BANP: variants seen among roughly 807,000 people sequenced by gnomAD.
The protein encoded by BANP is protein BANP.
A neutral mutation model predicts 68.1 loss-of-function variants in BANP; 11 were observed. The ratio of observed to expected loss-of-function variants is 0.16; its 90% CI spans 0.10 to 0.27. BANP has a LOEUF of 0.27. Among genes scored for constraint, BANP ranks in the 10% least tolerant of loss-of-function variants. The probability of loss-of-function intolerance (pLI) is 1.00; values close to 1 mark genes in which losing one functional copy is unlikely to be tolerated. For missense variants in BANP, 504 were observed against 722.7 expected (o/e 0.70, Z 3.47); for synonymous variants, 329 against 303.2 (o/e 1.09, Z -0.88).
intron 12 of BANP, among the ~76,000 whole-genome samples, chr16:88,067,868 C>T (rs1025344874): frequency 1.1e-4 from 16 of 152,226 alleles, no homozygotes; most frequent in African/African-American, 3.9e-4. Flanking sequence ...GGAACCCTGA[C>T]GATGCTCCCG....
rs566615869 is a variant in BANP, at chr16:88,076,486, C to G, written c.1522-104C>G. 13 of 977,104 alleles carry G rather than the reference C, an allele frequency of 1.3e-5. No individual in the cohort carries two copies. The African/African-American group carries it at 2.1e-4, about 16-fold the overall frequency. 60.5% of individuals were successfully genotyped at this position (977,104 alleles called of 1,614,324 possible). On this transcript the variant is annotated intron_variant, in intron 13 of 13. Transcript: ENST00000682872. ...CAGGGCTCCTTCGCGCTCCTGTGTG[C>G]GTGTTTCTCATTCTGCCTTAAAGTC... is the stretch of plus-strand genomic sequence containing the variant.
intron 5 of BANP, among the ~76,000 whole-genome samples, chr16:88,005,465 TAGTA>T (rs1479003875): frequency 2.0e-5 from 3 of 152,208 alleles, no homozygotes; most frequent in South Asian, 4.1e-4. Flanking sequence ...AAAAGGGAAG[TAGTA>T]AGTCTCTAAA....
At chr16:88,045,448 C>T (rs1388284510) in intron 11 of BANP, among the ~76,000 whole-genome samples, 1 of 152,222 alleles carries the variant, frequency 6.6e-6, no homozygotes, top group Non-Finnish European at 1.5e-5. Context: ...GCTAAGGGGC[C>T]TCAGCAGGAG....
At chr16:88,047,072 GA>G (rs141610858) in intron 11 of BANP, among the ~76,000 whole-genome samples, 39,594 of 147,938 alleles carry the variant, frequency 0.27, 6,757 homozygotes, top group African/African-American at 0.49. Context: ...TCTCAAAAAA[GA>G]AAAAAAAAAA....
intron 1 of BANP, among the ~76,000 whole-genome samples, chr16:87,968,249 C>G (rs1034628385): frequency 6.6e-6 from 1 of 150,914 alleles, no homozygotes; most frequent in Non-Finnish European, 1.5e-5. Context: ...TTTGGGAGAC[C>G]GAGGTGGGTG....
chr16:88,044,038 G>T (rs1425746672), intron 11 of BANP, among the ~76,000 whole-genome samples: 5 of 152,226 alleles, frequency 3.3e-5, no homozygotes, highest in African/African-American at 1.2e-4. Context: ...GGCCACTTCA[G>T]GGGGCTGGCA....
intron 11 of BANP, among the ~76,000 whole-genome samples, chr16:88,060,131 G>A (rs941240751): frequency 6.6e-6 from 1 of 152,266 alleles, no homozygotes; most frequent in Non-Finnish European, 1.5e-5. Flanking sequence ...TGTGAGAAGT[G>A]TGCAAAGGTG....
Position 88,026,256 on chromosome 16 carries a change from C to G in BANP, c.896-1227C>G, listed in dbSNP as rs1170759670. Among the ~76,000 whole-genome samples, 7 of 152,330 alleles carry G rather than the reference C, an allele frequency of 4.6e-5. No individual in the cohort carries two copies. In the East Asian group the frequency reaches 1.3e-3, roughly 29 times the overall value. On this transcript the variant is annotated intron_variant, in intron 7 of 13. Coordinates refer to ENST00000682872, the MANE Select transcript of BANP (RefSeq NM_001386991.1). Reference sequence around the variant, plus strand: ...CCACAGTGAGAGTAGGTTGTGCCCACTCGGCTTGTGGTATAGGGACTCCAG... The same window carrying G: ...CCACAGTGAGAGTAGGTTGTGCCCAGTCGGCTTGTGGTATAGGGACTCCAG...
intron 11 of BANP, among the ~76,000 whole-genome samples, chr16:88,040,106 G>C (rs575715658): frequency 2.5e-4 from 38 of 152,160 alleles, no homozygotes; most frequent in Non-Finnish European, 4.4e-4. Flanking sequence ...CTGCCACTCA[G>C]GGTAGCGGGC....
intron 1 of BANP, among the ~76,000 whole-genome samples, chr16:87,965,756 GGTTCTGTAAA>G (rs780754472): frequency 7.2e-4 from 109 of 152,200 alleles, no homozygotes; most frequent in Non-Finnish European, 1.9e-4. Flanking sequence ...GGTTAAAGAT[GGTTCTGTAAA>G]GTTTATCAAG....
At chr16:88,001,584 G>T (rs766074024) in intron 4 of BANP, among the ~76,000 whole-genome samples, 1 of 152,198 alleles carries the variant, frequency 6.6e-6, no homozygotes, top group Admixed American at 6.5e-5. Flanking sequence ...AGTTGAAAGC[G>T]TGTAGTTTCT....
chr16:87,989,019 G>A (rs1221897809), intron 4 of BANP, among the ~76,000 whole-genome samples: 1 of 152,234 alleles, frequency 6.6e-6, no homozygotes, highest in Admixed American at 6.5e-5. Flanking sequence ...GAAGGCAGTG[G>A]AGTACTGCTT....
At position 88,029,568 on chromosome 16, in the gene BANP, A is replaced by G. The variant is rs1479461242; in HGVS notation, c.1063+1918A>G. ...GGAGCTTGCAGTGAGCCGAGATCAC[A>G]CCACTGCACTCCAGCCTGGGCTACA... On this transcript the variant is annotated intron_variant, in intron 8 of 13. Transcript: ENST00000682872. Among the ~76,000 whole-genome samples the G allele has an allele frequency of 9.4e-5, 14 of 149,114 alleles. No homozygotes were observed. In the South Asian group the frequency reaches 2.1e-3, roughly 23 times the overall value.
At chr16:88,029,145 A>T (rs1216865678) in intron 8 of BANP, among the ~76,000 whole-genome samples, 3 of 151,952 alleles carry the variant, frequency 2.0e-5, no homozygotes, top group Non-Finnish European at 2.9e-5. Context: ...CGTCTCTACT[A>T]AAAATACAAA....
chr16:87,986,277 G>C (rs1222462050), intron 4 of BANP, among the ~76,000 whole-genome samples: 1 of 152,264 alleles, frequency 6.6e-6, no homozygotes, highest in Non-Finnish European at 1.5e-5. Flanking sequence ...CTTGTCACTT[G>C]TCACGTTGTG....
At chr16:87,979,199 G>A (rs1567645075) in intron 2 of BANP, among the ~76,000 whole-genome samples, 2 of 152,196 alleles carry the variant, frequency 1.3e-5, no homozygotes, top group South Asian at 2.1e-4. Context: ...TAAGATCTTC[G>A]GAATGTCAAT....
In BANP at chr16:88,006,952, A is replaced by C. The variant is rs866012053; in HGVS notation, c.655+687A>C. On this transcript the variant is annotated intron_variant, in intron 6 of 13. Transcript: ENST00000682872. The stretch of plus-strand genomic sequence containing the variant: ...GGGCGTCAGAGACTCTGTCTCAAAA[A>C]AAAAAAAAAAAAAAAAAAGATAGTG... Among the ~76,000 whole-genome samples, 1,277 of 150,726 alleles carry C rather than the reference A, an allele frequency of 8.5e-3. 1 individual carries two copies. Among genetic ancestry groups the C allele is most frequent in the Middle Eastern group, 0.014 (4 of 288 alleles).
chr16:88,004,522 G>T lies in BANP; in HGVS notation c.479+111G>T, dbSNP rs1365273932. 3 of 655,682 alleles carry T rather than the reference G, an allele frequency of 4.6e-6. No individual in the cohort carries two copies. Among genetic ancestry groups the T allele is most frequent in the Non-Finnish European group, 7.7e-6 (3 of 391,228 alleles). 40.6% of individuals were successfully genotyped at this position (655,682 alleles called of 1,614,324 possible). ...AGTCCAGCACACGCTTCATCTCTGT[G>T]GTCACAGGGTTGAGCCTGGCAGGCA... is the stretch of plus-strand genomic sequence containing the variant. On this transcript the variant is annotated intron_variant, in intron 5 of 13. Coordinates refer to ENST00000682872, the MANE Select transcript of BANP (RefSeq NM_001386991.1). This position sits in a 1 kb window ranked among gnomAD's most constrained non-coding sequence, Gnocchi z 7.0.
In BANP at chr16:87,957,465, G is replaced by T. The variant is rs1454023095; in HGVS notation, c.-69+5950G>T. On this transcript the variant is annotated intron_variant, in intron 1 of 13. Coordinates refer to ENST00000682872, the MANE Select transcript of BANP (RefSeq NM_001386991.1). This position sits in a 1 kb window ranked among gnomAD's most constrained non-coding sequence, Gnocchi z 4.3. ...ACCGGATCCTGTGTGGACCGGGTGG[G>T]CTGGTGTGGAGTCCTGTCAGGAGAC... Among the ~76,000 whole-genome samples, 1 of 152,220 alleles carries T rather than the reference G, an allele frequency of 6.6e-6. No individual in the cohort carries two copies. The highest frequency in any genetic ancestry group is 2.4e-5 in the African/African-American group (1 of 41,444).
Sources: gnomAD v4.1 joint callset for allele counts (sites outside exome capture counted in the v4.1 genomes callset) on GRCh38, gnomAD v4.1.1 for gene constraint, Gnocchi (gnomAD v3.1) non-coding constraint, MANE v1.5 for transcripts, NCBI Gene and HGNC (gene_info 2026-07-23, HGNC 2026-07-21) for gene names.